SFMBT2: variants seen among roughly 807,000 people sequenced by gnomAD.
SFMBT2 encodes Scm like with four mbt domains 2, also known as scm-like with four MBT domains protein 2.
In SFMBT2, 38 loss-of-function variants were observed where a neutral mutation model predicts 110.1. The ratio of observed to expected loss-of-function variants is 0.35; its 90% CI spans 0.27 to 0.45. The LOEUF (loss-of-function observed/expected upper bound fraction) is 0.45. Among genes scored for constraint, SFMBT2 ranks in the 20% least tolerant of loss-of-function variants. The pLI is 1.00. For synonymous variants in SFMBT2, 425 were observed against 425.4 expected, an observed-to-expected ratio of 1.00 and a Z score of 0.01; for missense variants, 1,011 against 1,094.9, an observed-to-expected ratio of 0.92 and a Z score of 1.08.
At chr10:7,316,516 C>T (rs993051229) in intron 4 of SFMBT2, among the ~76,000 whole-genome samples, 10 of 152,242 alleles carry the variant, frequency 6.6e-5, no homozygotes, top group African/African-American at 1.7e-4. Context: ...ATGCAGGGGA[C>T]GACAGGCCAG....
intron 4 of SFMBT2, among the ~76,000 whole-genome samples, chr10:7,314,677 G>A (rs1429157747): frequency 6.6e-6 from 1 of 152,176 alleles, no homozygotes; most frequent in East Asian, 1.9e-4. Flanking sequence ...GGAGGCTGAG[G>A]CAGGGGAGTC....
rs577882202 is a variant in SFMBT2 at position 7,340,576 on chromosome 10, C to G, written c.436+27073G>C. On this transcript the variant is annotated intron_variant, in intron 4 of 20. Transcript: ENST00000397167. ...AGCAAAGCAGGAGGATGGCTTGAGC[C>G]CAGGAAGTGGAGGCTGCAGTGAGCC... Among the ~76,000 whole-genome samples the G allele has an allele frequency of 2.0e-5, 3 of 149,634 alleles. No homozygotes were observed. In the East Asian group the frequency reaches 5.9e-4, roughly 30 times the overall value.
intron 1 of SFMBT2, among the ~76,000 whole-genome samples, chr10:7,391,170 G>T (rs930188835): frequency 5.3e-5 from 8 of 151,354 alleles, no homozygotes; most frequent in African/African-American, 1.9e-4. Flanking sequence ...GAAAGCCACT[G>T]AAAGAGTAGC....
At chr10:7,214,475 C>T in intron 11 of SFMBT2, 1 of 792,408 alleles carries the variant, frequency 1.3e-6, no homozygotes, top group African/African-American at 1.9e-5. Flanking sequence ...CAGAGTGACG[C>T]ATTTCTTAAG....
At chr10:7,216,294 G>T (rs1363107882) in intron 11 of SFMBT2, among the ~76,000 whole-genome samples, 1 of 152,160 alleles carries the variant, frequency 6.6e-6, no homozygotes, top group Non-Finnish European at 1.5e-5. Context: ...TTGTGGGAGG[G>T]GCCTGGTGGG....
intron 14 of SFMBT2, 77 bp from the exon 15 acceptor site, chr10:7,197,764 TC>T: frequency 6.5e-7 from 1 of 1,528,258 alleles, no homozygotes. Context: ...CCTTGCTTCA[TC>T]CACATGGTCA....
At chr10:7,179,050 C>CA (rs1250564402) in intron 16 of SFMBT2, among the ~76,000 whole-genome samples, 3 of 150,922 alleles carry the variant, frequency 2.0e-5, no homozygotes, top group South Asian at 2.1e-4. Flanking sequence ...GTATCAACGG[C>CA]AAAAAAAATT....
intron 11 of SFMBT2, among the ~76,000 whole-genome samples, chr10:7,216,958 A>G (rs7918022): frequency 0.017 from 2,564 of 152,364 alleles, 74 homozygotes; most frequent in African/African-American, 0.057. Flanking sequence ...ACAATTTAAT[A>G]TTCTTGCCAA....
At chr10:7,246,718 CAAA>C (rs397949347) in intron 8 of SFMBT2, among the ~76,000 whole-genome samples, 2 of 72,148 alleles carry the variant, frequency 2.8e-5, no homozygotes, top group African/African-American at 5.9e-5. Context: ...GACTCCATCT[CAAA>C]AAAAAAAAAA....
At chr10:7,303,505 GAGAC>G (rs948528374) in intron 4 of SFMBT2, among the ~76,000 whole-genome samples, 1 of 152,106 alleles carries the variant, frequency 6.6e-6, no homozygotes, top group African/African-American at 2.4e-5. Flanking sequence ...GAGAGAGAGA[GAGAC>G]AGAGAGACAG....
intron 6 of SFMBT2, among the ~76,000 whole-genome samples, chr10:7,281,111 T>C (rs144331778): frequency 2.4e-4 from 37 of 152,198 alleles, no homozygotes; most frequent in Non-Finnish European, 4.7e-4. Context: ...CCAGGGATGG[T>C]GGCACATGCC....
chr10:7,336,984 T>G (rs939146137), intron 4 of SFMBT2, among the ~76,000 whole-genome samples: 1 of 152,184 alleles, frequency 6.6e-6, no homozygotes, highest in African/African-American at 2.4e-5. Context: ...GTATCAACTG[T>G]TGGAGTACTT....
intron 14 of SFMBT2, among the ~76,000 whole-genome samples, chr10:7,199,339 C>T (rs77336971): frequency 0.064 from 9,730 of 152,108 alleles, 388 homozygotes; most frequent in Non-Finnish European, 0.088. Context: ...AGGGAGTCAC[C>T]GCCCCCACCC....
At chr10:7,222,868 C>T (rs1431193613) in intron 10 of SFMBT2, among the ~76,000 whole-genome samples, 1 of 152,078 alleles carries the variant, frequency 6.6e-6, no homozygotes, top group Non-Finnish European at 1.5e-5. Context: ...GTTGGGGTTT[C>T]ACCATGTTGG....
At chr10:7,391,244 G>A (rs1360392891) in intron 1 of SFMBT2, among the ~76,000 whole-genome samples, 1 of 151,200 alleles carries the variant, frequency 6.6e-6, no homozygotes, top group Admixed American at 6.6e-5. Flanking sequence ...AAGGCGGGTG[G>A]ATCACGAGGT....
intron 9 of SFMBT2, among the ~76,000 whole-genome samples, chr10:7,234,213 A>C (rs71487521): frequency 0.018 from 2,669 of 152,034 alleles, 59 homozygotes; most frequent in African/African-American, 0.058. Flanking sequence ...GTGCAGGAAA[A>C]AAACAAACAA....
At chr10:7,246,035 A>T (rs1238486646) in intron 8 of SFMBT2, 1 of 261,294 alleles carries the variant, frequency 3.8e-6, no homozygotes, top group Non-Finnish European at 6.0e-6. Flanking sequence ...CTGATACCTC[A>T]TTACATGAAG....
intron 1 of SFMBT2, among the ~76,000 whole-genome samples, chr10:7,387,578 C>T (rs888022583): frequency 2.6e-5 from 4 of 151,644 alleles, no homozygotes; most frequent in East Asian, 1.9e-4. Context: ...TGCATCAAAG[C>T]GGAACAGAAA....
At chr10:7,286,441 A>C in intron 4 of SFMBT2, 1 of 914,498 alleles carries the variant, frequency 1.1e-6, no homozygotes, top group Non-Finnish European at 1.3e-6. Flanking sequence ...GAAATGGAGA[A>C]ATAGAGAAAT....
Sources: gnomAD v4.1 joint callset for allele counts (sites outside exome capture counted in the v4.1 genomes callset) on GRCh38, gnomAD v4.1.1 for gene constraint, MANE v1.5 for transcripts, NCBI Gene and HGNC (gene_info 2026-07-23, HGNC 2026-07-21) for gene names.